Variants in KCNQ1 observed in about 807,000 individuals in gnomAD.
KCNQ1 encodes the protein potassium voltage-gated channel subfamily KQT member 1.
Under a neutral mutation model 72.4 loss-of-function variants are expected in KCNQ1, and 49 were observed. That is an observed-to-expected ratio of 0.68 (90% CI 0.54 to 0.86). The LOEUF is 0.86. Ranked by LOEUF, KCNQ1 falls within the 40% of genes least tolerant of loss-of-function variation. The pLI is 0.00. For synonymous variants in KCNQ1, 450 were observed against 412.6 expected, an observed-to-expected ratio of 1.09 and a Z score of -1.10; for missense variants, 790 against 945.1, an observed-to-expected ratio of 0.84 and a Z score of 2.15.
At chr11:2,584,322 TGTTA>T (rs1483029099) in intron 7 of KCNQ1, among the ~76,000 whole-genome samples, 1 of 152,184 alleles carries the variant, frequency 6.6e-6, no homozygotes, top group Non-Finnish European at 1.5e-5. Context: ...TATGTGCTTG[TGTTA>T]GTGTTTGTGT....
intron 11 of KCNQ1, among the ~76,000 whole-genome samples, chr11:2,726,679 A>C (rs1845770968): frequency 1.3e-5 from 2 of 152,200 alleles, no homozygotes; most frequent in Admixed American, 1.3e-4. Flanking sequence ...ATTTTCCCCC[A>C]AAATTTTATT....
chr11:2,730,426 C>A (rs1451372027), intron 11 of KCNQ1, among the ~76,000 whole-genome samples: 2 of 152,318 alleles, frequency 1.3e-5, no homozygotes, highest in Non-Finnish European at 2.9e-5. Flanking sequence ...CAAAGGGAGG[C>A]CCCACCTCCC....
At chr11:2,840,863 A>G (rs976421184) in intron 15 of KCNQ1, among the ~76,000 whole-genome samples, 9 of 151,864 alleles carry the variant, frequency 5.9e-5, no homozygotes, top group Non-Finnish European at 1.3e-4. Flanking sequence ...CTACCCCCTC[A>G]CTCCAGCCTT....
intron 1 of KCNQ1, among the ~76,000 whole-genome samples, chr11:2,502,790 CAG>C (rs1847038886): frequency 6.6e-6 from 1 of 152,172 alleles, no homozygotes; most frequent in Non-Finnish European, 1.5e-5. Context: ...AATTATACTA[CAG>C]AGTCATAGTA....
At chr11:2,500,533 C>T (rs980881293) in intron 1 of KCNQ1, among the ~76,000 whole-genome samples, 6 of 152,114 alleles carry the variant, frequency 3.9e-5, no homozygotes, top group Non-Finnish European at 5.9e-5. Flanking sequence ...GGTATATACC[C>T]AAAGGATTAT....
intron 3 of KCNQ1, 43 bp downstream of exon 3, chr11:2,570,797 G>C: frequency 6.2e-7 from 1 of 1,603,890 alleles, no homozygotes; most frequent in Non-Finnish European, 8.5e-7. Flanking sequence ...CAGGTTTCCA[G>C]ACCAGGAAGG....
rs1282305758 is a variant in KCNQ1, at chr11:2,818,078, A to G, written c.1795-29689A>G. ...GGCAAAAAAGTGGCAGGATTGTCTG[A>G]AAAACACATGGCCAGCCACCCTGCA... On this transcript the variant is annotated intron_variant, in intron 15 of 15. Coordinates refer to ENST00000155840, the MANE Select transcript of KCNQ1 (RefSeq NM_000218.3). This position sits in a 1 kb window ranked among gnomAD's most constrained non-coding sequence, Gnocchi z 7.2. Among the ~76,000 whole-genome samples the G allele has an allele frequency of 2.6e-5, 4 of 152,198 alleles. No homozygotes were observed. The highest frequency in any genetic ancestry group is 2.9e-5 in the Non-Finnish European group (2 of 68,032).
In KCNQ1 at chr11:2,663,443, C is replaced by T. The variant is rs1221779134; in HGVS notation, c.1514+1362C>T. ...TGTACCAAGTCCTGGATATGATGGA[C>T]CTCCAAAGTGATCAGTGTTAGTTTA... On this transcript the variant is annotated intron_variant, in intron 11 of 15. Coordinates refer to ENST00000155840, the MANE Select transcript of KCNQ1 (RefSeq NM_000218.3). This position sits in a 1 kb window ranked among gnomAD's most constrained non-coding sequence, Gnocchi z 5.2. 1.0e-5 allele frequency: 4 copies of T among 398,662 alleles called. No homozygotes were observed. The highest frequency in any genetic ancestry group is 1.8e-5 in the Non-Finnish European group (4 of 226,182). The allele number at this position is 398,662 out of a possible 1,614,324, so 24.7% of individuals were successfully genotyped here.
chr11:2,728,220 C>T (rs1277921367), intron 11 of KCNQ1, among the ~76,000 whole-genome samples: 1 of 152,182 alleles, frequency 6.6e-6, no homozygotes, highest in African/African-American at 2.4e-5. Flanking sequence ...CACTCGCCCA[C>T]CCTTCTGCCC....
At chr11:2,796,406 A>C (rs1395614323) in intron 15 of KCNQ1, among the ~76,000 whole-genome samples, 1 of 152,176 alleles carries the variant, frequency 6.6e-6, no homozygotes, top group South Asian at 2.1e-4. Flanking sequence ...GGGTGGCAGG[A>C]AGCACCCATC....
Position 2,683,924 on chromosome 11 carries a change from G to A in KCNQ1, c.1514+21843G>A, listed in dbSNP as rs1298161394. On this transcript the variant is annotated intron_variant, in intron 11 of 15. Transcript: ENST00000155840. This position sits in a 1 kb window ranked among gnomAD's most constrained non-coding sequence, Gnocchi z 4.7. ...GCCAAAGGTGCATGCTCTGTGACAC[G>A]TTTCATAGTCAGACAAAACCAGCTG... The A allele has an allele frequency of 1.8e-5, 7 of 395,426 alleles. No individual in the cohort carries two copies. The highest frequency in any genetic ancestry group is 1.3e-4 in the South Asian group (1 of 7,748). The allele number at this position is 395,426 out of a possible 1,614,324, so 24.5% of individuals were successfully genotyped here. A position where few individuals can be genotyped will look rare whatever the true frequency, so the allele number is the denominator to read the frequency against.
intron 6 of KCNQ1, among the ~76,000 whole-genome samples, chr11:2,582,595 G>A (rs566350823): frequency 2.6e-5 from 4 of 152,302 alleles, no homozygotes; most frequent in Non-Finnish European, 5.9e-5. Flanking sequence ...AAGACCTCCC[G>A]CAGCCACAGC....
rs1433451922 is a variant in KCNQ1, at chr11:2,764,599, C to T, written c.1515-4245C>T. On this transcript the variant is annotated intron_variant, in intron 11 of 15. Transcript: ENST00000155840. The surrounding 1 kb of genome is among the most constrained non-coding windows in gnomAD (Gnocchi z 4.8). ...AAATTGACATTATTTTTTCCTTAAA[C>T]ATTTGGAAGAATTTACTGGTGATGT... Among the ~76,000 whole-genome samples, 3 of 151,984 alleles carry T rather than the reference C, an allele frequency of 2.0e-5. No homozygotes were observed. Among genetic ancestry groups the T allele is most frequent in the Non-Finnish European group, 4.4e-5 (3 of 68,010 alleles).
rs1043853565 is a variant in KCNQ1, at chr11:2,762,809, C to G, written c.1515-6035C>G. 1.3e-5 allele frequency among the ~76,000 whole-genome samples: 2 copies of G among 152,150 alleles called. No homozygotes were observed. Among genetic ancestry groups the G allele is most frequent in the Non-Finnish European group, 2.9e-5 (2 of 68,034 alleles). On this transcript the variant is annotated intron_variant, in intron 11 of 15. Coordinates refer to ENST00000155840, the MANE Select transcript of KCNQ1 (RefSeq NM_000218.3). This position sits in a 1 kb window ranked among gnomAD's most constrained non-coding sequence, Gnocchi z 4.3. ...TCATCCTGAAACCATCTCCCCCCAC[C>G]CCACCCCGTCCACGGAAAAAGTGTC...
chr11:2,743,229 C>T (rs1230315874), intron 11 of KCNQ1, among the ~76,000 whole-genome samples: 2 of 152,098 alleles, frequency 1.3e-5, no homozygotes, highest in Non-Finnish European at 2.9e-5. Flanking sequence ...ACTCCCGTAC[C>T]ATGCGGGGCC....
At position 2,678,440 on chromosome 11, in the gene KCNQ1, T is replaced by C. The variant is rs1225724473; in HGVS notation, c.1514+16359T>C. 4 of 398,512 alleles carry C rather than the reference T, an allele frequency of 1.0e-5. No individual in the cohort carries two copies. Among genetic ancestry groups the C allele is most frequent in the African/African-American group, 8.2e-5 (4 of 48,648 alleles). The allele number at this position is 398,512 out of a possible 1,614,324, so 24.7% of individuals were successfully genotyped here. On this transcript the variant is annotated intron_variant, in intron 11 of 15. Coordinates refer to ENST00000155840, the MANE Select transcript of KCNQ1 (RefSeq NM_000218.3). The surrounding 1 kb of genome is among the most constrained non-coding windows in gnomAD (Gnocchi z 4.9). Reference sequence around the variant, plus strand: ...ATTTATTTGAGTACATCATCATCTCTCTACTAATTTCAACTGCTACCTTTA... The same window carrying C: ...ATTTATTTGAGTACATCATCATCTCCCTACTAATTTCAACTGCTACCTTTA...
At position 2,538,760 on chromosome 11, in the gene KCNQ1, C is replaced by G. The variant is rs947127267; in HGVS notation, c.477+10742C>G. Among the ~76,000 whole-genome samples, 2 of 136,938 alleles carry G rather than the reference C, an allele frequency of 1.5e-5. No individual in the cohort carries two copies. Among genetic ancestry groups the G allele is most frequent in the African/African-American group, 5.5e-5 (2 of 36,562 alleles). 89.8% of individuals were successfully genotyped at this position (136,938 alleles called of 152,430 possible). ...AGCCCACACACGGGCCTCACGTTAT[C>G]TTCTGCAGGCCAGAATTGTCATATA... is the stretch of plus-strand genomic sequence containing the variant. On this transcript the variant is annotated intron_variant, in intron 2 of 15. Transcript: ENST00000155840. This position sits in a 1 kb window ranked among gnomAD's most constrained non-coding sequence, Gnocchi z 6.7.
chr11:2,527,835 G>A, intron 1 of KCNQ1, 93 bp from the exon 2 acceptor site: 2 of 1,027,504 alleles, frequency 1.9e-6, no homozygotes, highest in South Asian at 1.3e-5. Context: ...CTACCTGGGG[G>A]CGGGGCTGAG....
rs1427738323 is a variant in KCNQ1 at position 2,562,991 on chromosome 11, G to A, written c.478-7637G>A. 6.6e-6 allele frequency among the ~76,000 whole-genome samples: 1 copy of A among 152,188 alleles called. No individual in the cohort carries two copies. The highest frequency in any genetic ancestry group is 2.4e-5 in the African/African-American group (1 of 41,438). On this transcript the variant is annotated intron_variant, in intron 2 of 15. Transcript: ENST00000155840. This position sits in a 1 kb window ranked among gnomAD's most constrained non-coding sequence, Gnocchi z 7.5. ...TAAAGTCCTCGCGATAAGGGTCTGC[G>A]AGGCTTCCTTTATGTTTTGCAAAAA...
Sources: gnomAD v4.1 joint callset for allele counts (sites outside exome capture counted in the v4.1 genomes callset) on GRCh38, gnomAD v4.1.1 for gene constraint, Gnocchi (gnomAD v3.1) non-coding constraint, MANE v1.5 for transcripts, NCBI Gene and HGNC (gene_info 2026-07-23, HGNC 2026-07-21) for gene names.